Variants in ME3 observed in about 807,000 individuals in gnomAD.
ME3 encodes the protein malic enzyme 3, also known as NADP-dependent malic enzyme, mitochondrial.
Under a neutral mutation model 68.9 loss-of-function variants are expected in ME3, and 48 were observed. The observed-to-expected ratio is 0.70, with a 90% CI of 0.55 to 0.89. The LOEUF (loss-of-function observed/expected upper bound fraction) is 0.89. ME3 is among the 40% of genes least tolerant of loss of function. The probability of loss-of-function intolerance (pLI) is 0.00; values close to 1 mark genes in which losing one functional copy is unlikely to be tolerated. For synonymous variants in ME3, 320 were observed against 318.8 expected, an observed-to-expected ratio of 1.00 and a Z score of -0.04; for missense variants, 675 against 797.4, an observed-to-expected ratio of 0.85 and a Z score of 1.85.
Position 86,443,007 on chromosome 11 carries a change from A to G in ME3, c.1555-88T>C. The G allele has an allele frequency of 4.0e-6, 4 of 1,001,220 alleles. No homozygotes were observed. In the South Asian group the frequency reaches 6.1e-5, roughly 15 times the overall value. The allele number at this position is 1,001,220 out of a possible 1,614,324, so 62.0% of individuals were successfully genotyped here. On this transcript the variant is annotated intron_variant, in intron 13 of 14. Coordinates refer to ENST00000543262, the Ensembl canonical transcript of ME3. Reference sequence around the variant, plus strand: ...ACCCGTTACCCCAGAGACTCACCCCACCCTGCATAGTTGGTCAAACACTGC... The same window carrying G: ...ACCCGTTACCCCAGAGACTCACCCCGCCCTGCATAGTTGGTCAAACACTGC...
At chr11:86,554,307 C>T (rs1484241570) in intron 4 of ME3, among the ~76,000 whole-genome samples, 1 of 152,124 alleles carries the variant, frequency 6.6e-6, no homozygotes. Flanking sequence ...AGATCTCAGT[C>T]AGGGGAGATG....
intron 4 of ME3, among the ~76,000 whole-genome samples, chr11:86,527,120 AAGATT>A (rs757007801): frequency 1.3e-5 from 2 of 152,206 alleles, no homozygotes; most frequent in African/African-American, 2.4e-5. Flanking sequence ...ACCTTGAAAA[AAGATT>A]AGACAAATGG....
At chr11:86,498,453 C>T (rs1565863722) in intron 5 of ME3, among the ~76,000 whole-genome samples, 1 of 152,182 alleles carries the variant, frequency 6.6e-6, no homozygotes, top group South Asian at 2.1e-4. Flanking sequence ...TAGACACTCT[C>T]AGCCTGAGAC....
intron 5 of ME3, among the ~76,000 whole-genome samples, chr11:86,505,513 A>G (rs1265320754): frequency 1.3e-5 from 2 of 152,192 alleles, no homozygotes; most frequent in Non-Finnish European, 2.9e-5. Context: ...GCCAAATCAA[A>G]TATGTTTAGG....
rs990248597 is a variant in ME3, at chr11:86,447,703, C to A, written c.1237+447G>T. On this transcript the variant is annotated intron_variant, in intron 11 of 14. Coordinates refer to ENST00000543262, the Ensembl canonical transcript of ME3. Reference sequence around the variant, plus strand: ...CGAAAACCTGTCTCTACTAAAAATACAAAAATTAGCCAGGCATGGTGGCGG... The same window carrying A: ...CGAAAACCTGTCTCTACTAAAAATAAAAAAATTAGCCAGGCATGGTGGCGG... 2.0e-5 allele frequency among the ~76,000 whole-genome samples: 3 copies of A among 151,938 alleles called. No homozygotes were observed. The East Asian group carries it at 5.8e-4, about 29-fold the overall frequency.
chr11:86,486,475 T>C (rs1004183030), intron 7 of ME3, among the ~76,000 whole-genome samples: 1 of 152,162 alleles, frequency 6.6e-6, no homozygotes, highest in Non-Finnish European at 1.5e-5. Context: ...TGAGACTTTG[T>C]GCAGAGTTTG....
At position 86,542,123 on chromosome 11, in the gene ME3, A is replaced by C. The variant is rs189085767; in HGVS notation, c.467+14430T>G. Among the ~76,000 whole-genome samples the C allele has an allele frequency of 9.1e-4, 138 of 152,360 alleles. 1 individual carries two copies. The highest frequency in any genetic ancestry group is 3.1e-3 in the African/African-American group (130 of 41,594). On this transcript the variant is annotated intron_variant, in intron 4 of 14. Transcript: ENST00000543262. ...AATAGCATCAACATCAACAAAAAGGACGTCCACACAGAAACCCCATCTGAA... is the reference window on the plus strand; with the variant it reads ...AATAGCATCAACATCAACAAAAAGGCCGTCCACACAGAAACCCCATCTGAA...
chr11:86,457,476 C>T lies in ME3; in HGVS notation c.920-7078G>A, dbSNP rs1409911949. On this transcript the variant is annotated intron_variant, in intron 8 of 14. Coordinates refer to ENST00000543262, the Ensembl canonical transcript of ME3. ...ATTTGGTACTGTTGCCCATTTTTTT[C>T]CTTTGGGAAGCTATTTCTGCACTTG... 6 of 1,032,622 alleles carry T rather than the reference C, an allele frequency of 5.8e-6. No homozygotes were observed. The South Asian group carries it at 1.7e-4, about 30-fold the overall frequency. The allele number at this position is 1,032,622 out of a possible 1,614,324, so 64.0% of individuals were successfully genotyped here.
intron 2 of ME3, among the ~76,000 whole-genome samples, chr11:86,567,238 G>A (rs1178889081): frequency 1.9e-5 from 2 of 108,096 alleles, no homozygotes; most frequent in Admixed American, 1.9e-4. Context: ...AGAAAGAAAA[G>A]AAAGAAAGGA....
chr11:86,619,614 C>T (rs1382246799), intron 2 of ME3, among the ~76,000 whole-genome samples: 1 of 152,188 alleles, frequency 6.6e-6, no homozygotes, highest in East Asian at 1.9e-4. Flanking sequence ...ACCCCTTTTG[C>T]TTGGTTCTCA....
chr11:86,476,075 A>C (rs1469523758), intron 7 of ME3, among the ~76,000 whole-genome samples: 4 of 152,118 alleles, frequency 2.6e-5, no homozygotes. Context: ...CTATATGCCT[A>C]GGGATTTTTC....
At chr11:86,550,876 A>G (rs566418388) in intron 4 of ME3, among the ~76,000 whole-genome samples, 72 of 152,156 alleles carry the variant, frequency 4.7e-4, no homozygotes, top group Non-Finnish European at 1.5e-4. Flanking sequence ...AAGTGTTGGC[A>G]TTCATTGGTC....
chr11:86,533,638 C>G (rs1024174633), intron 4 of ME3, among the ~76,000 whole-genome samples: 13 of 152,142 alleles, frequency 8.5e-5, no homozygotes, highest in African/African-American at 3.1e-4. Context: ...AACTCATTTA[C>G]AAGGCCAGCA....
intron 2 of ME3, among the ~76,000 whole-genome samples, chr11:86,587,868 G>C (rs187499675): frequency 1.3e-5 from 2 of 152,288 alleles, no homozygotes; most frequent in Admixed American, 1.3e-4. Context: ...CCAAAAATGA[G>C]TGCCTTCTGG....
chr11:86,651,381 T>C lies in ME3; in HGVS notation c.183+20381A>G, dbSNP rs193233209. Among the ~76,000 whole-genome samples, 1,368 of 152,266 alleles carry C rather than the reference T, an allele frequency of 9.0e-3. 3 individuals are homozygous for C. The highest frequency in any genetic ancestry group is 0.02 in the Middle Eastern group (6 of 294). On this transcript the variant is annotated intron_variant, in intron 2 of 14. Transcript: ENST00000543262. Reference sequence around the variant, plus strand: ...ACTGACACCTCACATGGCCGGGTACTCCTCTGAGACAAAACTTCCAGAGGA... The same window carrying C: ...ACTGACACCTCACATGGCCGGGTACCCCTCTGAGACAAAACTTCCAGAGGA...
At chr11:86,617,546 T>C (rs1182585292) in intron 2 of ME3, among the ~76,000 whole-genome samples, 1 of 152,212 alleles carries the variant, frequency 6.6e-6, no homozygotes, top group African/African-American at 2.4e-5. Context: ...GAAGAGACTC[T>C]ACATTTTAGC....
chr11:86,451,610 TG>T (rs1051302515), intron 8 of ME3, among the ~76,000 whole-genome samples: 1 of 152,120 alleles, frequency 6.6e-6, no homozygotes, highest in East Asian at 1.9e-4. Context: ...CACCATTCCC[TG>T]GGGGGGACCA....
At chr11:86,594,073 G>A (rs545346791) in intron 2 of ME3, among the ~76,000 whole-genome samples, 2 of 146,306 alleles carry the variant, frequency 1.4e-5, no homozygotes, top group South Asian at 4.5e-4. Context: ...CAGTAATAAG[G>A]AAACAAAGTA....
At chr11:86,671,320 ACTGTT>A (rs1392125788) in intron 2 of ME3, among the ~76,000 whole-genome samples, 2 of 152,224 alleles carry the variant, frequency 1.3e-5, no homozygotes, top group African/African-American at 4.8e-5. Context: ...GGTACCAGGC[ACTGTT>A]CTAACGTACC....
Sources: gnomAD v4.1 joint callset for allele counts (sites outside exome capture counted in the v4.1 genomes callset) on GRCh38, gnomAD v4.1.1 for gene constraint, MANE v1.5 for transcripts, NCBI Gene and HGNC (gene_info 2026-07-23, HGNC 2026-07-21) for gene names.